Variants in DDX10 observed in about 807,000 individuals in gnomAD.
DDX10 encodes probable ATP-dependent RNA helicase DDX10.
In DDX10, 74 loss-of-function variants were observed where a neutral mutation model predicts 104.3. That is an observed-to-expected ratio of 0.71 (90% CI 0.59 to 0.86). DDX10 has a LOEUF of 0.86. DDX10 is among the 40% of genes least tolerant of loss of function. The probability of loss-of-function intolerance (pLI) is 0.00; values close to 1 mark genes in which losing one functional copy is unlikely to be tolerated. For missense variants in DDX10, 952 were observed against 1,040.0 expected (o/e 0.92, Z 1.16); for synonymous variants, 351 against 353.4 (o/e 0.99, Z 0.08).
At chr11:108,757,341 A>C (rs1195759635) in intron 13 of DDX10, among the ~76,000 whole-genome samples, 1 of 152,046 alleles carries the variant, frequency 6.6e-6, no homozygotes, top group East Asian at 1.9e-4. Context: ...GTTAATTATA[A>C]TTTTATGTAA....
intron 4 of DDX10, among the ~76,000 whole-genome samples, chr11:108,677,846 C>G (rs1162453907): frequency 6.6e-6 from 1 of 151,848 alleles, no homozygotes; most frequent in African/African-American, 2.4e-5. Flanking sequence ...TAACAACATT[C>G]TGTTTTTTCC....
At chr11:108,786,553 A>G (rs1469483967) in intron 13 of DDX10, among the ~76,000 whole-genome samples, 1 of 152,118 alleles carries the variant, frequency 6.6e-6, no homozygotes, top group Non-Finnish European at 1.5e-5. Flanking sequence ...GGGTGTGTAT[A>G]TGTTTAGGAT....
At chr11:108,802,010 G>GGTGTGTGTGTGTGTGTGTGT (rs111450290) in intron 13 of DDX10, among the ~76,000 whole-genome samples, 2 of 141,918 alleles carry the variant, frequency 1.4e-5, no homozygotes. Context: ...AAGTGAGTGG[G>GGTGTGTGTGTGTGTGTGTGT]GTGTGTGTGT....
In DDX10 at chr11:108,780,464, T is replaced by G. The variant is rs559443201; in HGVS notation, c.1965+57002T>G. ...TGCTTCCCTATAGGTCTAGTCTGTC[T>G]GTTTAGGCCAGAAAACATCTTTGCT... On this transcript the variant is annotated intron_variant, in intron 13 of 17. Transcript: ENST00000322536. Among the ~76,000 whole-genome samples, 11 of 152,302 alleles carry G rather than the reference T, an allele frequency of 7.2e-5. No individual in the cohort carries two copies. The South Asian group carries it at 2.3e-3, about 32-fold the overall frequency.
intron 17 of DDX10, among the ~76,000 whole-genome samples, chr11:108,923,003 T>A (rs4754362): frequency 0.15 from 22,989 of 152,220 alleles, 2,129 homozygotes; most frequent in East Asian, 0.28. Context: ...TGATGTTCTC[T>A]GGCTTTTTTA....
At chr11:108,673,784 GAACA>G in intron 2 of DDX10, among the ~76,000 whole-genome samples, 1 of 152,234 alleles carries the variant, frequency 6.6e-6, no homozygotes, top group South Asian at 2.1e-4. Context: ...ATAAGCAAGG[GAACA>G]AACCAAGATG....
At chr11:108,773,371 T>C (rs2094365789) in intron 13 of DDX10, among the ~76,000 whole-genome samples, 1 of 152,224 alleles carries the variant, frequency 6.6e-6, no homozygotes, top group Non-Finnish European at 1.5e-5. Context: ...TAGCTGCACT[T>C]ACTGTTGATG....
intron 13 of DDX10, among the ~76,000 whole-genome samples, chr11:108,805,926 ATTG>A (rs1177459744): frequency 1.3e-5 from 2 of 152,158 alleles, no homozygotes; most frequent in Non-Finnish European, 2.9e-5. Flanking sequence ...CTTTCTAAAA[ATTG>A]TTTACACATT....
At chr11:108,780,248 A>G (rs2094376385) in intron 13 of DDX10, among the ~76,000 whole-genome samples, 1 of 152,176 alleles carries the variant, frequency 6.6e-6, no homozygotes, top group African/African-American at 2.4e-5. Context: ...AGAGATGAGT[A>G]TGAATAGAGC....
At chr11:108,705,876 C>T (rs898596690) in intron 9 of DDX10, among the ~76,000 whole-genome samples, 2 of 152,042 alleles carry the variant, frequency 1.3e-5, no homozygotes, top group South Asian at 2.1e-4. Context: ...CATGTCAGTA[C>T]AAATTTCTGA....
At chr11:108,858,579 A>G (rs1862901402) in intron 16 of DDX10, among the ~76,000 whole-genome samples, 1 of 152,116 alleles carries the variant, frequency 6.6e-6, no homozygotes, top group Admixed American at 6.6e-5. Context: ...CTTCTACCCC[A>G]TCTTGTGTTA....
chr11:108,918,291 TC>T, intron 17 of DDX10: 1 of 418,022 alleles, frequency 2.4e-6, no homozygotes, highest in Non-Finnish European at 4.2e-6. Flanking sequence ...CTTTCTCTAT[TC>T]TTTTTTTTTT....
In DDX10 at chr11:108,905,312, A is replaced by AGGGC. The variant is rs1863579147; in HGVS notation, c.2305-12558_2305-12557insCGGG. On this transcript the variant is annotated intron_variant, in intron 16 of 17. Transcript: ENST00000322536. ...TTATAAGGTACTATTAGATTGTTTAAGGGGGGGGGGGGTTGAAATCCTGTG... is the reference window on the plus strand; with the variant it reads ...TTATAAGGTACTATTAGATTGTTTAAGGGCGGGGGGGGGGGGTTGAAATCCTGTG... Among the ~76,000 whole-genome samples the AGGGC allele has an allele frequency of 2.1e-4, 22 of 106,718 alleles. 1 individual carries two copies. The South Asian group carries it at 7.3e-3, about 35-fold the overall frequency. The allele number at this position is 106,718 out of a possible 152,430, so 70.0% of individuals were successfully genotyped here.
At chr11:108,880,560 G>A (rs1012060696) in intron 16 of DDX10, among the ~76,000 whole-genome samples, 3 of 152,184 alleles carry the variant, frequency 2.0e-5, no homozygotes, top group African/African-American at 7.2e-5. Context: ...TGGTAAATAT[G>A]ATAGCAGATA....
intron 9 of DDX10, among the ~76,000 whole-genome samples, chr11:108,695,065 C>T (rs1157483893): frequency 6.6e-6 from 1 of 152,106 alleles, no homozygotes; most frequent in Non-Finnish European, 1.5e-5. Context: ...TAACATTTTT[C>T]TGGATAGCAT....
chr11:108,687,007 G>A lies in DDX10; in HGVS notation c.849-1929G>A, dbSNP rs189813541. Among the ~76,000 whole-genome samples, 500 of 152,116 alleles carry A rather than the reference G, an allele frequency of 3.3e-3. 2 individuals are homozygous for A. Among genetic ancestry groups the A allele is most frequent in the African/African-American group, 0.011 (468 of 41,506 alleles). ...TCACTGTGTTTGCCAGGATGGTCTCGATCTCCTGACCTCGTGATCTGCCTG... is the reference window on the plus strand; with the variant it reads ...TCACTGTGTTTGCCAGGATGGTCTCAATCTCCTGACCTCGTGATCTGCCTG... On this transcript the variant is annotated intron_variant, in intron 6 of 17. Coordinates refer to ENST00000322536, the MANE Select transcript of DDX10 (RefSeq NM_004398.4).
At chr11:108,837,329 T>C (rs1471196066) in intron 13 of DDX10, among the ~76,000 whole-genome samples, 1 of 152,132 alleles carries the variant, frequency 6.6e-6, no homozygotes, top group Non-Finnish European at 1.5e-5. Flanking sequence ...GGAAGCTGCA[T>C]TGGGTTAAGT....
chr11:108,893,242 T>G (rs1251680403), intron 16 of DDX10, among the ~76,000 whole-genome samples: 1 of 152,148 alleles, frequency 6.6e-6, no homozygotes, highest in East Asian at 1.9e-4. Flanking sequence ...TTCATATCAT[T>G]GACTTGGTAG....
Position 108,845,125 on chromosome 11 carries a change from A to G in DDX10, c.2247+3649A>G, listed in dbSNP as rs561676444. ...CCGGAGGCTGAGGCAGGAGAATGGCATGAACCCGGGAGGCGGAGCTTGCAG... is the reference window on the plus strand; with the variant it reads ...CCGGAGGCTGAGGCAGGAGAATGGCGTGAACCCGGGAGGCGGAGCTTGCAG... On this transcript the variant is annotated intron_variant, in intron 15 of 17. Coordinates refer to ENST00000322536, the MANE Select transcript of DDX10 (RefSeq NM_004398.4). 8.5e-5 allele frequency among the ~76,000 whole-genome samples: 13 copies of G among 152,074 alleles called. No individual in the cohort carries two copies. The South Asian group carries it at 2.5e-3, about 29-fold the overall frequency.
Sources: gnomAD v4.1 joint callset for allele counts (sites outside exome capture counted in the v4.1 genomes callset) on GRCh38, gnomAD v4.1.1 for gene constraint, MANE v1.5 for transcripts, NCBI Gene and HGNC (gene_info 2026-07-23, HGNC 2026-07-21) for gene names.